Variants in ACO1 observed in about 807,000 individuals in gnomAD.
ACO1 encodes aconitase 1, also known as cytoplasmic aconitate hydratase.
Under a neutral mutation model 105.1 loss-of-function variants are expected in ACO1, and 78 were observed. That is an observed-to-expected ratio of 0.74 (90% CI 0.62 to 0.90). ACO1 has a LOEUF of 0.90. ACO1 is among the 40% of genes least tolerant of loss of function. ACO1 has a pLI of 0.00. For missense variants in ACO1, 965 were observed against 1,111.1 expected (o/e 0.87, Z 1.87); for synonymous variants, 364 against 397.4 (o/e 0.92, Z 1.00).
At position 32,393,823 on chromosome 9, in the gene ACO1, G is replaced by A. The variant is rs376973072; in HGVS notation, c.-23+9088G>A. On this transcript the variant is annotated intron_variant, in intron 1 of 20. Transcript: ENST00000309951. ...TTTCACCCAATACATAACTCTGCCT[G>A]GATTTGTTCCCTCCTGTACCTCCTC... 2.0e-5 allele frequency among the ~76,000 whole-genome samples: 3 copies of A among 152,114 alleles called. No homozygotes were observed. The East Asian group carries it at 5.8e-4, about 29-fold the overall frequency.
chr9:32,405,540 T>A lies in ACO1; in HGVS notation c.34T>A (p.Leu12Met), dbSNP rs373990127. ...CCCATTCGCACACCTTGCTGAGCCATTGGATCCTGTACAACCAGGAAAGAA... is the reference window on the plus strand; with the variant it reads ...CCCATTCGCACACCTTGCTGAGCCAATGGATCCTGTACAACCAGGAAAGAA... ...SNPFAHLAEPLDPVQPGKKFF... is the reference protein window; with the variant it reads ...SNPFAHLAEPMDPVQPGKKFF... The change falls in exon 2 of 21, where the codon TTG becomes ATG. Residue 12 changes from leucine (L) to methionine (M), a missense_variant. Leu to Met is a conservative substitution (Grantham distance 15, BLOSUM62 2). Transcript: ENST00000309951. The A allele has an allele frequency of 6.2e-7, 1 of 1,613,958 alleles. No homozygotes were observed. The highest frequency in any genetic ancestry group is 8.5e-7 in the Non-Finnish European group (1 of 1,179,988).
chr9:32,408,458 A>C, intron 3 of ACO1, 56 bp from the exon 4 acceptor site: 1 of 1,597,654 alleles, frequency 6.3e-7, no homozygotes, highest in Non-Finnish European at 8.5e-7. Context: ...AAGCTGAAAA[A>C]TCCAGTTACA....
chr9:32,385,500 T>C (rs1293414211), intron 1 of ACO1, among the ~76,000 whole-genome samples: 2 of 152,228 alleles, frequency 1.3e-5, no homozygotes, highest in African/African-American at 4.8e-5. Flanking sequence ...CTGAGAAATT[T>C]GTACTATAAT....
Position 32,408,521 on chromosome 9 carries a change from C to G in ACO1, c.274C>G (p.Pro92Ala), listed in dbSNP as rs1449140247. The change falls in exon 4 of 21, where the codon CCC (proline) becomes GCC (alanine). Residue 92 changes from proline (P) to alanine (A), a missense_variant. By Grantham distance (27) the Pro-to-Ala change is conservative. Transcript: ENST00000309951. ...TTCTCTTTCTTCTCTTAGGGGTGTG[C>G]CCGCTGTGGTTGACTTTGCTGCAAT... ...RVILQDFTGV[P>A]AVVDFAAMRD... is the part of the protein sequence containing the mutation. 1.2e-6 allele frequency: 2 copies of G among 1,614,018 alleles called. No homozygotes were observed. Among genetic ancestry groups the G allele is most frequent in the Admixed American group, 3.3e-5 (2 of 59,998 alleles).
At chr9:32,392,937 T>C (rs1009473209) in intron 1 of ACO1, among the ~76,000 whole-genome samples, 3 of 152,254 alleles carry the variant, frequency 2.0e-5, no homozygotes, top group Admixed American at 1.3e-4. Context: ...ACCCTTGTGA[T>C]TTCCTATGCC....
At chr9:32,437,669 AAC>A (rs1822391458) in intron 18 of ACO1, among the ~76,000 whole-genome samples, 1 of 152,206 alleles carries the variant, frequency 6.6e-6, no homozygotes, top group Non-Finnish European at 1.5e-5. Flanking sequence ...ATCAAGGATG[AAC>A]AGACATTTGA....
chr9:32,423,239 C>A, intron 8 of ACO1, 80 bp from the exon 9 acceptor site: 1 of 744,552 alleles, frequency 1.3e-6, no homozygotes, highest in Non-Finnish European at 2.2e-6. Context: ...TACATAATTG[C>A]TAATGGAAGT....
chr9:32,407,236 T>C (rs765623999), intron 2 of ACO1, 25 bp from the exon 3 acceptor site: 57 of 1,611,140 alleles, frequency 3.5e-5, no homozygotes, highest in Non-Finnish European at 4.6e-5. Flanking sequence ...CAGGTTTTGT[T>C]TATTTTGTCA....
intron 19 of ACO1, among the ~76,000 whole-genome samples, chr9:32,443,101 A>C (rs184335006): frequency 2.4e-4 from 37 of 152,270 alleles, no homozygotes; most frequent in African/African-American, 8.9e-4. Context: ...CAAGAAGCTT[A>C]TAATTTGGGG....
chr9:32,395,145 T>C (rs769295728), intron 1 of ACO1, among the ~76,000 whole-genome samples: 3 of 152,204 alleles, frequency 2.0e-5, no homozygotes, highest in Non-Finnish European at 2.9e-5. Context: ...TTTTTGAAAG[T>C]ACAGCTGTCT....
At chr9:32,407,834 T>A (rs1221072808) in intron 3 of ACO1, among the ~76,000 whole-genome samples, 6 of 152,254 alleles carry the variant, frequency 3.9e-5, no homozygotes, top group Non-Finnish European at 7.3e-5. Context: ...ATGTGCTGTC[T>A]GCAGAGGGGA....
Position 32,414,552 on chromosome 9 carries a change from G to A in ACO1, c.405-3576G>A, listed in dbSNP as rs1400540385. On this transcript the variant is annotated intron_variant, in intron 4 of 20. Coordinates refer to ENST00000309951, the MANE Select transcript of ACO1 (RefSeq NM_002197.3). Reference sequence around the variant, plus strand: ...GTCTAAGCATTTCTGGCTTCTGCACGTCCTATGAACATGTCACTTCCATCA... The same window carrying A: ...GTCTAAGCATTTCTGGCTTCTGCACATCCTATGAACATGTCACTTCCATCA... 5.3e-5 allele frequency among the ~76,000 whole-genome samples: 8 copies of A among 152,266 alleles called. No individual in the cohort carries two copies. The East Asian group carries it at 1.4e-3, about 26-fold the overall frequency.
Position 32,454,753 on chromosome 9 carries a change from A to AAAGTC in ACO1, c.*4645_*4649dup, listed in dbSNP as rs1822842476. 1 of 151,794 alleles carries AAAGTC rather than the reference A, an allele frequency of 6.6e-6. No individual in the cohort carries two copies. Among genetic ancestry groups the AAAGTC allele is most frequent in the Non-Finnish European group, 1.5e-5 (1 of 67,980 alleles). The allele number at this position is 151,794 out of a possible 1,614,324, so 9.4% of individuals were successfully genotyped here. ...GCCTGGCAATGACATTATTCCATTAAAAGTCAAACAAGGAAATGCTAAGTT... is the reference window on the plus strand; with the variant it reads ...GCCTGGCAATGACATTATTCCATTAAAAGTCAAGTCAAACAAGGAAATGCTAAGTT... On this transcript the variant is annotated 3_prime_UTR_variant, in exon 21 of 21. Coordinates refer to ENST00000309951, the MANE Select transcript of ACO1 (RefSeq NM_002197.3).
chr9:32,432,906 C>A (rs920114937), intron 15 of ACO1, among the ~76,000 whole-genome samples: 1 of 152,084 alleles, frequency 6.6e-6, no homozygotes, highest in Non-Finnish European at 1.5e-5. Context: ...GGAGGAGGGT[C>A]CACTTAGGCT....
chr9:32,421,159 A>G (rs905543754), intron 8 of ACO1, 132 bp downstream of exon 8: 3 of 1,011,362 alleles, frequency 3.0e-6, no homozygotes, highest in Admixed American at 5.2e-5. Context: ...TTTTTTCTCC[A>G]TGGAGTCAAA....
In ACO1 at chr9:32,434,483, C is replaced by T. The variant is rs1260427187; in HGVS notation, c.1957-76C>T. 11 of 1,556,798 alleles carry T rather than the reference C, an allele frequency of 7.1e-6. No homozygotes were observed. The Admixed American group carries it at 1.5e-4, about 22-fold the overall frequency. On this transcript the variant is annotated intron_variant, in intron 16 of 20. Coordinates refer to ENST00000309951, the MANE Select transcript of ACO1 (RefSeq NM_002197.3). Reference sequence around the variant, plus strand: ...TGTCCTCTGATTCAGGTCCATGGGCCACCATCGTAGAGACTGATCTGGTAA... The same window carrying T: ...TGTCCTCTGATTCAGGTCCATGGGCTACCATCGTAGAGACTGATCTGGTAA...
In ACO1 at chr9:32,431,798, G is replaced by C; in HGVS notation, c.1806G>C (p.Gln602His). Residue 602 changes from glutamine to histidine, a missense_variant, in exon 15 of 21, where the codon CAG (glutamine) becomes CAC (histidine). By Grantham distance (24) the Gln-to-His change is conservative (BLOSUM62 0). Transcript: ENST00000309951. ...TRDEIQAVER[Q>H]YVIPGMFKEV... ...ACGAGATCCAGGCAGTGGAGCGTCAGTATGTCATCCCGGGGATGTTTAAGG... is the reference window on the plus strand; with the variant it reads ...ACGAGATCCAGGCAGTGGAGCGTCACTATGTCATCCCGGGGATGTTTAAGG... 6.2e-7 allele frequency: 1 copy of C among 1,614,158 alleles called. No homozygotes were observed. Among genetic ancestry groups the C allele is most frequent in the Non-Finnish European group, 8.5e-7 (1 of 1,180,016 alleles).
intron 19 of ACO1, 145 bp from the exon 20 acceptor site, chr9:32,448,751 C>T (rs1030021166): frequency 3.7e-6 from 3 of 813,948 alleles, no homozygotes; most frequent in Non-Finnish European, 6.1e-6. Flanking sequence ...AATCACTCGC[C>T]TTCTGTGTCA....
intron 18 of ACO1, among the ~76,000 whole-genome samples, chr9:32,440,168 G>A (rs1822444765): frequency 6.6e-6 from 1 of 152,030 alleles, no homozygotes; most frequent in Non-Finnish European, 1.5e-5. Flanking sequence ...TTGGGAGACT[G>A]GAGCAGGAGA....
Sources: gnomAD v4.1 joint callset for allele counts (sites outside exome capture counted in the v4.1 genomes callset) on GRCh38, gnomAD v4.1.1 for gene constraint, MANE v1.5 for transcripts, NCBI Gene and HGNC (gene_info 2026-07-23, HGNC 2026-07-21) for gene names.